CCDC33: variants seen among roughly 807,000 people sequenced by gnomAD.
CCDC33 encodes the protein coiled-coil domain-containing protein 33.
A neutral mutation model predicts 91.9 loss-of-function variants in CCDC33; 94 were observed. The ratio of observed to expected loss-of-function variants is 1.02; its 90% confidence interval spans 0.87 to 1.21. The LOEUF is 1.21. Ranked by LOEUF, CCDC33 falls within the 50% of genes most tolerant of loss-of-function variation. CCDC33 has a pLI of 0.00. For missense variants in CCDC33, 940 were observed against 935.5 expected, an observed-to-expected ratio of 1.00 and a Z score of -0.06; for synonymous variants, 396 against 374.5, an observed-to-expected ratio of 1.06 and a Z score of -0.66.
upstream of CCDC33, among the ~76,000 whole-genome samples, chr15:74,235,118 A>C (rs1221901960): frequency 5.9e-5 from 9 of 152,110 alleles, no homozygotes; most frequent in Admixed American, 3.9e-4. Flanking sequence ...CACAGTGCTC[A>C]CAGCCAGGCC....
At position 74,262,525 on chromosome 15, in the gene CCDC33, G is replaced by T. The variant is rs756679898; in HGVS notation, c.271G>T (p.Gly91Trp). ...TSEPTRAPIW[G>W]DTVNVEIQAE... is the part of the protein sequence containing the mutation. ...AGAGCCCACCAGAGCCCCTATCTGG[G>T]GGGACACGGTGAATGTGGAGATCCA... Residue 91 changes from glycine (G) to tryptophan (W), a missense_variant, in exon 3 of 19, where the codon GGG (glycine) becomes TGG (tryptophan). By Grantham distance (184) the Gly-to-Trp change is radical. Transcript: ENST00000398814. 1 of 1,613,922 alleles carries T rather than the reference G, an allele frequency of 6.2e-7. No individual in the cohort carries two copies. Among genetic ancestry groups the T allele is most frequent in the South Asian group, 1.1e-5 (1 of 91,052 alleles).
Position 74,222,919 on chromosome 15 carries a change from G to A in CCDC33, c.675+4058G>A, listed in dbSNP as rs563078341. ...CAAGCACTCCGTCCTCACTCCCCCC[G>A]CCCCCATGGCCTGCTTTTAAATTCA... On this transcript the variant is annotated intron_variant, in intron 2 of 2. Transcript: ENST00000635913. Among the ~76,000 whole-genome samples the A allele has an allele frequency of 1.3e-4, 20 of 151,448 alleles. No individual in the cohort carries two copies. In the South Asian group the frequency reaches 1.5e-3, roughly 11 times the overall value.
intron 1 of CCDC33, chr15:74,207,915 C>A: frequency 1.4e-6 from 2 of 1,480,022 alleles, no homozygotes; most frequent in African/African-American, 1.4e-5. Flanking sequence ...GTGCTCACGG[C>A]AGGAAGAGTA....
chr15:74,227,049 T>C (rs1384910007), intron 2 of CCDC33, among the ~76,000 whole-genome samples: 1 of 152,148 alleles, frequency 6.6e-6, no homozygotes, highest in Non-Finnish European at 1.5e-5. Flanking sequence ...TGGGCCAGGC[T>C]GGCAGAGGTG....
At chr15:74,285,262 G>A (rs1474993887) in intron 10 of CCDC33, among the ~76,000 whole-genome samples, 1 of 152,042 alleles carries the variant, frequency 6.6e-6, no homozygotes, top group Non-Finnish European at 1.5e-5. Flanking sequence ...GGACATTTTG[G>A]TGAACACAGC....
intron 3 of CCDC33, 99 bp from the exon 4 acceptor site, chr15:74,266,579 T>C: frequency 1.2e-6 from 1 of 835,664 alleles, no homozygotes; most frequent in Non-Finnish European, 2.0e-6. Context: ...CCCTGCTCCC[T>C]ACTCTCAACA....
rs751253830 is a variant in CCDC33, at chr15:74,330,261, A to C, written c.1363A>C (p.Ile455Leu). ...DILSLRRQAS[I>L]LEGENRILRS... ...CCTGTCTCTGCGGAGACAGGCCAGCATCCTGGAAGGAGAGAACCGCATACT... is the reference window on the plus strand; with the variant it reads ...CCTGTCTCTGCGGAGACAGGCCAGCCTCCTGGAAGGAGAGAACCGCATACT... Residue 455 changes from isoleucine to leucine, a missense_variant, in exon 12 of 19, where the codon ATC (isoleucine) becomes CTC (leucine). Coordinates refer to ENST00000398814, the MANE Select transcript of CCDC33 (RefSeq NM_025055.5). 1.9e-5 allele frequency: 30 copies of C among 1,612,918 alleles called. No homozygotes were observed. The highest frequency in any genetic ancestry group is 3.3e-5 in the Admixed American group (2 of 59,964).
chr15:74,309,585 C>T (rs921324456), intron 11 of CCDC33, among the ~76,000 whole-genome samples: 4 of 152,162 alleles, frequency 2.6e-5, no homozygotes, highest in Non-Finnish European at 5.9e-5. Flanking sequence ...GGAGCGGCTT[C>T]TGTGAGCCAT....
chr15:74,299,234 C>T (rs139690785), intron 11 of CCDC33, among the ~76,000 whole-genome samples: 10 of 152,326 alleles, frequency 6.6e-5, no homozygotes, highest in East Asian at 1.9e-4. Context: ...CTCATTCACC[C>T]GGAGAGAGTG....
Position 74,279,937 on chromosome 15 carries a change from C to G in CCDC33, c.760-26C>G, listed in dbSNP as rs752459365. On this transcript the variant is annotated intron_variant, in intron 7 of 18. Transcript: ENST00000398814. Reference sequence around the variant, plus strand: ...ATTTGGGAGAAGCTGTGGCCCCCACCACCTGCTCCTACCCTCTCCCTCCAG... The same window carrying G: ...ATTTGGGAGAAGCTGTGGCCCCCACGACCTGCTCCTACCCTCTCCCTCCAG... The G allele has an allele frequency of 6.2e-6, 10 of 1,607,530 alleles. No individual in the cohort carries two copies. The African/African-American group carries it at 8.0e-5, about 13-fold the overall frequency.
At chr15:74,209,160 G>C (rs1391474272) in intron 1 of CCDC33, 1 of 1,304,462 alleles carries the variant, frequency 7.7e-7, no homozygotes, top group African/African-American at 1.5e-5. Context: ...CTCAGGCACA[G>C]AGCAGGGGCT....
intron 1 of CCDC33, among the ~76,000 whole-genome samples, chr15:74,204,941 A>C (rs1357259195): frequency 1.4e-5 from 1 of 71,692 alleles, no homozygotes; most frequent in East Asian, 3.9e-4. Context: ...TCTCAAAAAA[A>C]AAGAAAGAAA....
intron 10 of CCDC33, among the ~76,000 whole-genome samples, chr15:74,287,278 A>T (rs930871939): frequency 1.3e-5 from 2 of 152,096 alleles, no homozygotes; most frequent in Non-Finnish European, 2.9e-5. Context: ...CATCTGTGAA[A>T]ACACTACCAT....
At chr15:74,209,582 C>A (rs960203632) in intron 2 of CCDC33, 2 of 718,388 alleles carry the variant, frequency 2.8e-6, no homozygotes, top group Non-Finnish European at 4.5e-6. Flanking sequence ...TCGGAGCTTT[C>A]TCTTCTATTT....
chr15:74,231,241 T>C (rs1026320219), intron 2 of CCDC33, among the ~76,000 whole-genome samples: 1 of 152,166 alleles, frequency 6.6e-6, no homozygotes, highest in Non-Finnish European at 1.5e-5. Context: ...GGGAGCGAGC[T>C]ACATTAGTGA....
chr15:74,332,778 T>C lies in CCDC33; in HGVS notation c.1871T>C (p.Leu624Pro). 1.2e-6 allele frequency: 2 copies of C among 1,614,190 alleles called. No homozygotes were observed. The highest frequency in any genetic ancestry group is 8.5e-7 in the Non-Finnish European group (1 of 1,180,028). Residue 624 changes from leucine (L) to proline (P), a missense_variant, in exon 16 of 19, where the codon CTG becomes CCG. Leu to Pro is a moderately conservative substitution (Grantham distance 98, BLOSUM62 -3). Transcript: ENST00000398814. The stretch of plus-strand genomic sequence containing the variant: ...GTGCTGCTGGCAGAAAACGCGAAGC[T>C]GCGGACGGAGCTGGATAAGAACCGC... ...YSVLLAENAK[L>P]RTELDKNRHQ...
intron 2 of CCDC33, among the ~76,000 whole-genome samples, chr15:74,227,547 C>T (rs1339507534): frequency 6.6e-6 from 1 of 152,158 alleles, no homozygotes. Flanking sequence ...GGGAGCAAGG[C>T]TGGGGATGGA....
chr15:74,280,559 G>A, intron 8 of CCDC33, 109 bp from the exon 9 acceptor site: 5 of 1,289,808 alleles, frequency 3.9e-6, no homozygotes, highest in Non-Finnish European at 5.2e-6. Flanking sequence ...GAAAGGCCAG[G>A]AGGCAGGAAA....
At chr15:74,247,301 AGATATAG>A (rs2075563150) in intron 2 of CCDC33, among the ~76,000 whole-genome samples, 1 of 152,056 alleles carries the variant, frequency 6.6e-6, no homozygotes, top group South Asian at 2.1e-4. Context: ...ACAATAGCCA[AGATATAG>A]GATCAACCTA....
Sources: allele counts gnomAD v4.1 joint callset (sites outside exome capture counted in the v4.1 genomes callset), GRCh38; gene constraint gnomAD v4.1.1; transcripts MANE v1.5; gene names NCBI Gene and HGNC (gene_info 2026-07-23, HGNC 2026-07-21).